Variants in EBF1 observed in about 807,000 individuals in gnomAD.
The protein encoded by EBF1 is transcription factor COE1.
Under a neutral mutation model 68.4 loss-of-function variants are expected in EBF1, and 10 were observed. The observed-to-expected ratio is 0.15, with a 90% CI of 0.09 to 0.25. The LOEUF (loss-of-function observed/expected upper bound fraction) is 0.25. EBF1 is among the 10% of genes least tolerant of loss of function. The pLI is 1.00. For missense variants in EBF1, 509 were observed against 794.4 expected (o/e 0.64, Z 4.32); for synonymous variants, 298 against 299.8 (o/e 0.99, Z 0.06).
At chr5:158,999,699 AT>A (rs1288850582) in intron 6 of EBF1, among the ~76,000 whole-genome samples, 1 of 152,194 alleles carries the variant, frequency 6.6e-6, no homozygotes, top group Admixed American at 6.6e-5. Flanking sequence ...TCCGTAGTGT[AT>A]TTTTTTCTTT....
At chr5:158,733,870 T>C (rs1272786232) in intron 10 of EBF1, among the ~76,000 whole-genome samples, 1 of 152,204 alleles carries the variant, frequency 6.6e-6, no homozygotes, top group African/African-American at 2.4e-5. Flanking sequence ...ATGATTTATC[T>C]GATTGCATTG....
intron 4 of EBF1, among the ~76,000 whole-genome samples, chr5:159,088,589 T>G (rs1225456518): frequency 6.6e-6 from 1 of 152,150 alleles, no homozygotes; most frequent in Non-Finnish European, 1.5e-5. Flanking sequence ...TTGGCTATTT[T>G]AAGTGAAACC....
intron 6 of EBF1, among the ~76,000 whole-genome samples, chr5:159,037,945 G>T (rs893048813): frequency 1.3e-5 from 2 of 152,000 alleles, no homozygotes; most frequent in Non-Finnish European, 2.9e-5. Context: ...AAGTCAATTT[G>T]CAGGGACTGT....
chr5:158,771,449 T>C (rs1773871191), intron 10 of EBF1, among the ~76,000 whole-genome samples: 1 of 152,138 alleles, frequency 6.6e-6, no homozygotes, highest in African/African-American at 2.4e-5. Context: ...AATTAACAGC[T>C]CTTATTTACA....
chr5:158,821,808 T>C (rs542655203), intron 8 of EBF1, among the ~76,000 whole-genome samples: 3 of 152,298 alleles, frequency 2.0e-5, no homozygotes, highest in African/African-American at 4.8e-5. Flanking sequence ...CAAAATGTAA[T>C]ATCCATCCAT....
chr5:158,932,475 G>A (rs548070249), intron 6 of EBF1, among the ~76,000 whole-genome samples: 57 of 152,182 alleles, frequency 3.7e-4, no homozygotes, highest in African/African-American at 1.2e-3. Flanking sequence ...ATACCTAAGC[G>A]TGAACAGTGG....
Position 159,099,091 on chromosome 5 carries a change from A to T in EBF1, c.134+254T>A, listed in dbSNP as rs370461014. 1.0e-3 allele frequency among the ~76,000 whole-genome samples: 153 copies of T among 152,336 alleles called. 1 individual carries two copies. The highest frequency in any genetic ancestry group is 3.4e-3 in the African/African-American group (142 of 41,592). ...TTCTGGGTTAAAACAAAATGAAAACAGTCACAGACGAGGCAGGGGAAAGTG... is the reference window on the plus strand; with the variant it reads ...TTCTGGGTTAAAACAAAATGAAAACTGTCACAGACGAGGCAGGGGAAAGTG... On this transcript the variant is annotated intron_variant, in intron 1 of 15. Coordinates refer to ENST00000313708, the MANE Select transcript of EBF1 (RefSeq NM_024007.5).
chr5:158,994,042 C>T (rs1760910251), intron 6 of EBF1, among the ~76,000 whole-genome samples: 1 of 152,184 alleles, frequency 6.6e-6, no homozygotes, highest in Non-Finnish European at 1.5e-5. Flanking sequence ...GGGTGAGTTA[C>T]TTGGGTTCTC....
intron 10 of EBF1, among the ~76,000 whole-genome samples, chr5:158,755,313 C>G (rs1369685936): frequency 1.3e-5 from 2 of 152,098 alleles, no homozygotes; most frequent in Non-Finnish European, 1.5e-5. Context: ...CTCCCCACTT[C>G]TCTAGTTCCC....
At chr5:158,992,917 CTTTTTTTTTTTT>C (rs148629320) in intron 6 of EBF1, among the ~76,000 whole-genome samples, 1 of 72,826 alleles carries the variant, frequency 1.4e-5, no homozygotes, top group African/African-American at 5.6e-5. Context: ...CTGTTTCTTT[CTTTTTTTTTTTT>C]TTTTTTTTTT....
chr5:158,796,564 ATCTTTT>A lies in EBF1; in HGVS notation c.779-95_779-90del, dbSNP rs1779648253. 2.8e-6 allele frequency: 4 copies of A among 1,408,300 alleles called. No individual in the cohort carries two copies. The East Asian group carries it at 9.6e-5, about 34-fold the overall frequency. The allele number at this position is 1,408,300 out of a possible 1,614,324, so 87.2% of individuals were successfully genotyped here. On this transcript the variant is annotated intron_variant, in intron 8 of 15. Transcript: ENST00000313708. ...AGACTTGAGAAAAAGGAAAAAAAAAATCTTTTATCTTTTCACTAACAGAAAGTCCCT... is the reference window on the plus strand; with the variant it reads ...AGACTTGAGAAAAAGGAAAAAAAAAAATCTTTTCACTAACAGAAAGTCCCT...
intron 6 of EBF1, among the ~76,000 whole-genome samples, chr5:158,882,604 G>C (rs1029752142): frequency 2.0e-5 from 3 of 152,122 alleles, no homozygotes; most frequent in African/African-American, 7.2e-5. Flanking sequence ...GTTTCTCGAA[G>C]GAAAAATAAC....
intron 10 of EBF1, among the ~76,000 whole-genome samples, chr5:158,776,494 CTT>C (rs978176368): frequency 2.6e-5 from 4 of 152,128 alleles, no homozygotes; most frequent in Admixed American, 6.5e-5. Context: ...TCTGTTATCT[CTT>C]TGTGTGAAAG....
At chr5:159,025,506 G>A (rs1235875056) in intron 6 of EBF1, among the ~76,000 whole-genome samples, 1 of 152,160 alleles carries the variant, frequency 6.6e-6, no homozygotes, top group African/African-American at 2.4e-5. Flanking sequence ...TATTGATGCT[G>A]ATTTATCCAC....
rs79840914 is a variant in EBF1, at chr5:159,005,481, A to G, written c.554+67915T>C. On this transcript the variant is annotated intron_variant, in intron 6 of 15. Transcript: ENST00000313708. ...CTATTTTCTCCCCAGCAAATTGAAAATGATATTTGTAACCTGATTTTAAAG... is the reference window on the plus strand; with the variant it reads ...CTATTTTCTCCCCAGCAAATTGAAAGTGATATTTGTAACCTGATTTTAAAG... Among the ~76,000 whole-genome samples the G allele has an allele frequency of 6.2e-3, 939 of 152,308 alleles. 9 individuals are homozygous for G. Among genetic ancestry groups the G allele is most frequent in the African/African-American group, 0.022 (895 of 41,556 alleles).
At chr5:158,832,530 G>C (rs1180548673) in intron 7 of EBF1, among the ~76,000 whole-genome samples, 1 of 152,206 alleles carries the variant, frequency 6.6e-6, no homozygotes, top group East Asian at 1.9e-4. Flanking sequence ...CTAGCATTCT[G>C]TTGGTAGAGA....
chr5:158,799,002 T>A lies in EBF1; in HGVS notation c.779-2527A>T, dbSNP rs562067324. On this transcript the variant is annotated intron_variant, in intron 8 of 15. Transcript: ENST00000313708. ...AGGGTTCCAAAGCTCCTCCTATACA[T>A]CTGTTATAACATATTAGTCTTGAGG... Among the ~76,000 whole-genome samples, 5 of 152,206 alleles carry A rather than the reference T, an allele frequency of 3.3e-5. No individual in the cohort carries two copies. The South Asian group carries it at 1.0e-3, about 32-fold the overall frequency.
chr5:159,008,347 G>A (rs1160474568), intron 6 of EBF1, among the ~76,000 whole-genome samples: 6 of 152,138 alleles, frequency 3.9e-5, no homozygotes, highest in Middle Eastern at 3.4e-3. Flanking sequence ...ATCCAATAGC[G>A]AGGATCTTTT....
At chr5:158,861,736 T>A (rs1254585167) in intron 6 of EBF1, among the ~76,000 whole-genome samples, 1 of 152,226 alleles carries the variant, frequency 6.6e-6, no homozygotes, top group Admixed American at 6.5e-5. Context: ...CACCTTGCCT[T>A]TTCTTTGGTT....
Sources: allele counts gnomAD v4.1 joint callset (sites outside exome capture counted in the v4.1 genomes callset), GRCh38; gene constraint gnomAD v4.1.1; transcripts MANE v1.5; gene names NCBI Gene and HGNC (gene_info 2026-07-23, HGNC 2026-07-21).